PKD2L2: variants seen among roughly 807,000 people sequenced by gnomAD.
The protein encoded by PKD2L2 is polycystin-2-like protein 2.
A neutral mutation model predicts 83.9 loss-of-function variants in PKD2L2; 67 were observed. The ratio of observed to expected loss-of-function variants is 0.80; its 90% CI spans 0.66 to 0.98. The LOEUF (loss-of-function observed/expected upper bound fraction) is 0.98. Ranked by LOEUF, PKD2L2 falls within the 50% of genes least tolerant of loss-of-function variation. The probability of loss-of-function intolerance (pLI) is 0.00; values close to 1 mark genes in which losing one functional copy is unlikely to be tolerated. For missense variants in PKD2L2, 632 were observed against 717.2 expected (o/e 0.88, Z 1.36); for synonymous variants, 223 against 237.8 (o/e 0.94, Z 0.57).
Position 137,894,608 on chromosome 5 carries a change from G to T in PKD2L2, c.523G>T (p.Glu175Ter), listed in dbSNP as rs1362504608. 6 of 1,604,440 alleles carry T rather than the reference G, an allele frequency of 3.7e-6. No homozygotes were observed. The highest frequency in any genetic ancestry group is 5.1e-6 in the Non-Finnish European group (6 of 1,173,600). The change falls in exon 4 of 15, where the codon GAA (glutamate) becomes TAA (stop). Residue 175 changes from glutamate to a stop codon, truncating the protein, a stop_gained and splice_region_variant. Coordinates refer to ENST00000508883, the MANE Select transcript of PKD2L2 (RefSeq NM_001300921.2). LOFTEE classifies it high-confidence loss of function. ...LSNFGLQINTEWRYSTSNTNS... is the reference protein window; with the variant it reads ...LSNFGLQINT Reference sequence around the variant, plus strand: ...TAATTTTGGCCTTCAAATTAATACTGAGTAAGTAGCATAAAATTATACTGT... The same window carrying T: ...TAATTTTGGCCTTCAAATTAATACTTAGTAAGTAGCATAAAATTATACTGT...
rs200087417 is a variant in PKD2L2, at chr5:137,892,530, T to G, written c.184T>G (p.Ser62Ala). ...TATGTATTACTTAAACAAGGTTATGTCATCTCTATTTTTGGACACTTCTGT... is the reference window on the plus strand; with the variant it reads ...TATGTATTACTTAAACAAGGTTATGGCATCTCTATTTTTGGACACTTCTGT... ...PHMYYLNKVM[S>A]SLFLDTSVPG... The change falls in exon 3 of 15, where the codon TCA (serine) becomes GCA (alanine). Residue 62 changes from serine to alanine, a missense_variant. Coordinates refer to ENST00000508883, the MANE Select transcript of PKD2L2 (RefSeq NM_001300921.2). 1,275 of 1,605,176 alleles carry G rather than the reference T, an allele frequency of 7.9e-4. 14 individuals carry two copies. The African/African-American group carries it at 0.015, about 19-fold the overall frequency.
Position 137,935,794 on chromosome 5 carries a change from C to T in PKD2L2, c.1672-3C>T, listed in dbSNP as rs1459247246. 2.6e-6 allele frequency: 4 copies of T among 1,522,168 alleles called. No individual in the cohort carries two copies. Among genetic ancestry groups the T allele is most frequent in the Non-Finnish European group, 3.6e-6 (4 of 1,097,456 alleles). 94.3% of individuals were successfully genotyped at this position (1,522,168 alleles called of 1,614,324 possible). ...AGCCTTTACTTGTCCTCTACCCTGA[C>T]AGGAGATTCAAAACGCAGAGCAGAT... On this transcript the variant is annotated splice_region_variant and splice_polypyrimidine_tract_variant and intron_variant, in intron 12 of 14. Coordinates refer to ENST00000508883, the MANE Select transcript of PKD2L2 (RefSeq NM_001300921.2).
In PKD2L2 at chr5:137,915,765, C is replaced by T. The variant is rs1415230555; in HGVS notation, c.1329-5871C>T. On this transcript the variant is annotated intron_variant, in intron 8 of 14. Coordinates refer to ENST00000508883, the MANE Select transcript of PKD2L2 (RefSeq NM_001300921.2). ...AACTGAAAAATTTTAATGCATTAGT[C>T]TCTTAAATTATGTAGAAAACAAAAA... 3.9e-5 allele frequency among the ~76,000 whole-genome samples: 6 copies of T among 152,262 alleles called. No homozygotes were observed. In the East Asian group the frequency reaches 9.7e-4, roughly 24 times the overall value.
Position 137,894,245 on chromosome 5 carries a change from T to C in PKD2L2, c.268-108T>C, listed in dbSNP as rs41298970. ...ACCATTACCATTAATGGTAGCTTGG[T>C]CAATAGTTTGATTTTCATACTCAAA... On this transcript the variant is annotated intron_variant, in intron 3 of 14. Transcript: ENST00000508883. The C allele has an allele frequency of 9.3e-3, 9,044 of 967,894 alleles. 72 individuals carry two copies. The highest frequency in any genetic ancestry group is 0.024 in the East Asian group (997 of 41,758). The allele number at this position is 967,894 out of a possible 1,614,324, so 60.0% of individuals were successfully genotyped here.
chr5:137,899,953 A>C (rs1165343073), intron 5 of PKD2L2, among the ~76,000 whole-genome samples: 1 of 152,234 alleles, frequency 6.6e-6, no homozygotes, highest in Non-Finnish European at 1.5e-5. Flanking sequence ...TACTGAAAAA[A>C]AATTAAGAAA....
chr5:137,903,240 C>T (rs1197271552), intron 5 of PKD2L2, among the ~76,000 whole-genome samples: 10 of 152,124 alleles, frequency 6.6e-5, no homozygotes, highest in Non-Finnish European at 1.5e-4. Flanking sequence ...GTAGAGGTCC[C>T]AAAGAGCAAG....
At position 137,899,598 on chromosome 5, in the gene PKD2L2, A is replaced by G. The variant is rs1357368953; in HGVS notation, c.607A>G (p.Thr203Ala). The G allele has an allele frequency of 5.6e-6, 9 of 1,613,752 alleles. No homozygotes were observed. Among genetic ancestry groups the G allele is most frequent in the Non-Finnish European group, 7.6e-6 (9 of 1,179,734 alleles). Residue 203 changes from threonine (T) to alanine (A), a missense_variant, in exon 5 of 15, where the codon ACT becomes GCT. Around this residue, in one of 3 missense-constraint regions of PKD2L2, gnomAD observed 229 missense variants for 281.5 expected, o/e 0.81. Transcript: ENST00000508883. ...TTACCGAAATGGGGGATACATTTTC[A>G]CTTTATCAAAATCGAAATCTGAAAC... ...GVYRNGGYIF[T>A]LSKSKSETKN...
intron 12 of PKD2L2, among the ~76,000 whole-genome samples, chr5:137,926,944 GACA>G (rs1383641009): frequency 6.6e-6 from 1 of 152,146 alleles, no homozygotes; most frequent in African/African-American, 2.4e-5. Flanking sequence ...TATACCAAAG[GACA>G]ACTATACAAG....
intron 5 of PKD2L2, among the ~76,000 whole-genome samples, chr5:137,900,998 G>A (rs1364880221): frequency 4.6e-5 from 7 of 151,998 alleles, no homozygotes; most frequent in African/African-American, 9.7e-5. Context: ...TTAGCCGGGC[G>A]TGGTGGCACA....
At chr5:137,929,561 AG>A (rs1759688511) in intron 12 of PKD2L2, among the ~76,000 whole-genome samples, 1 of 146,340 alleles carries the variant, frequency 6.8e-6, no homozygotes, top group Non-Finnish European at 1.5e-5. Flanking sequence ...AAAAAAAAAC[AG>A]ACCACACGGT....
Position 137,925,904 on chromosome 5 carries a change from C to T in PKD2L2, c.1646C>T (p.Ala549Val). Residue 549 changes from alanine (A) to valine (V), a missense_variant, in exon 12 of 15, where the codon GCC becomes GTC. By Grantham distance (64) the Ala-to-Val change is moderately conservative (BLOSUM62 0). This residue lies in a region of PKD2L2 where 399 missense variants were observed against 416.9 expected (regional missense o/e 0.96). Transcript: ENST00000508883. ...TKGSGDLAEQARREGFDENEI... is the reference protein window; with the variant it reads ...TKGSGDLAEQVRREGFDENEI... ...GGCAGCGGAGATTTGGCTGAACAAG[C>T]CAGAAGAGAAGGCTTTGACGAAAAT... 6.3e-7 allele frequency: 1 copy of T among 1,596,206 alleles called. No individual in the cohort carries two copies. The highest frequency in any genetic ancestry group is 1.1e-5 in the South Asian group (1 of 89,562).
At position 137,926,366 on chromosome 5, in the gene PKD2L2, A is replaced by T. The variant is rs1238741987; in HGVS notation, c.1671+437A>T. 3.4e-4 allele frequency among the ~76,000 whole-genome samples: 4 copies of T among 11,624 alleles called. No homozygotes were observed. In the East Asian group the frequency reaches 0.22, roughly 646 times the overall value. The allele number at this position is 11,624 out of a possible 152,430, so 7.6% of individuals were successfully genotyped here. A position where few individuals can be genotyped will look rare whatever the true frequency, so the allele number is the denominator to read the frequency against. On this transcript the variant is annotated intron_variant, in intron 12 of 14. Coordinates refer to ENST00000508883, the MANE Select transcript of PKD2L2 (RefSeq NM_001300921.2). ...AATATACTATTACCACTACCACTTA[A>T]AAAAAAAAAAGTGAACCATTGCTCT...
intron 4 of PKD2L2, among the ~76,000 whole-genome samples, chr5:137,896,174 G>A (rs1484521183): frequency 1.7e-4 from 25 of 145,570 alleles, no homozygotes; most frequent in Admixed American, 1.2e-3. Context: ...GCAAAACTCC[G>A]TCTCAAAAAA....
intron 14 of PKD2L2, chr5:137,940,442 A>C: frequency 1.3e-6 from 1 of 766,886 alleles, no homozygotes; most frequent in Non-Finnish European, 2.1e-6. Context: ...GTTACTAAAC[A>C]TAAGTTCAAA....
chr5:137,942,175 G>A, intron 14 of PKD2L2: 1 of 669,828 alleles, frequency 1.5e-6, no homozygotes, highest in South Asian at 1.9e-5. Context: ...AAGCTCCACT[G>A]CAAACCAATG....
chr5:137,933,122 C>T (rs752329516), intron 12 of PKD2L2, among the ~76,000 whole-genome samples: 8 of 151,222 alleles, frequency 5.3e-5, no homozygotes, highest in Non-Finnish European at 1.0e-4. Flanking sequence ...AACAGGAATC[C>T]AGGTATTAAC....
chr5:137,910,853 A>G (rs1357005032), intron 8 of PKD2L2, among the ~76,000 whole-genome samples: 1 of 152,050 alleles, frequency 6.6e-6, no homozygotes, highest in Non-Finnish European at 1.5e-5. Context: ...AGAGTGAGTA[A>G]TAACTGGGCC....
intron 14 of PKD2L2, among the ~76,000 whole-genome samples, chr5:137,936,658 T>C (rs1287586315): frequency 6.6e-6 from 1 of 152,252 alleles, no homozygotes; most frequent in Admixed American, 6.5e-5. Context: ...GGTTTCACTG[T>C]GTCAGCCAGG....
intron 14 of PKD2L2, chr5:137,940,248 G>C (rs1303742095): frequency 1.9e-6 from 3 of 1,613,870 alleles, no homozygotes; most frequent in Admixed American, 1.7e-5. Context: ...GAAGAATCTT[G>C]TTTGCTTATA....
Sources: allele counts gnomAD v4.1 joint callset (sites outside exome capture counted in the v4.1 genomes callset), GRCh38; gene constraint gnomAD v4.1.1; regional missense constraint gnomAD v4.1.1; transcripts MANE v1.5; gene names NCBI Gene and HGNC (gene_info 2026-07-23, HGNC 2026-07-21).